RGPD3: variants seen among roughly 807,000 people sequenced by gnomAD.
RGPD3 encodes the protein RANBP2 like and GRIP domain containing 3.
Under a neutral mutation model 154.5 loss-of-function variants are expected in RGPD3, and 62 were observed. The ratio of observed to expected loss-of-function variants is 0.40; its 90% confidence interval spans 0.33 to 0.50. The LOEUF is 0.50. Ranked by LOEUF, RGPD3 falls within the 20% of genes least tolerant of loss-of-function variation. The pLI is 0.59. For missense variants in RGPD3, 919 were observed against 1,716.8 expected (o/e 0.54, Z 8.21); for synonymous variants, 308 against 607.0 (o/e 0.51, Z 7.24).
chr2:106,406,917 C>T (rs1461702707), intron 22 of RGPD3, among the ~76,000 whole-genome samples: 1 of 152,114 alleles, frequency 6.6e-6, no homozygotes, highest in Admixed American at 6.6e-5. Context: ...TCTGTTCTGT[C>T]TGGTTTTATC....
chr2:106,466,968 C>T (rs1421099232), intron 1 of RGPD3, among the ~76,000 whole-genome samples: 1 of 118,686 alleles, frequency 8.4e-6, no homozygotes, highest in Non-Finnish European at 1.8e-5. Flanking sequence ...CCATCGAGGC[C>T]GCCGCAGGGC....
At chr2:106,415,769 T>C in intron 21 of RGPD3, 81 bp downstream of exon 21, 2 of 1,603,942 alleles carry the variant, frequency 1.2e-6, no homozygotes, top group Non-Finnish European at 1.7e-6. Flanking sequence ...AATGTGAATT[T>C]TTAAACTTGG....
At chr2:106,410,797 T>A (rs1483103364) in intron 22 of RGPD3, among the ~76,000 whole-genome samples, 4 of 152,026 alleles carry the variant, frequency 2.6e-5, no homozygotes, top group Admixed American at 6.6e-5. Context: ...AGACAGTGAA[T>A]TTGTAATCTG....
chr2:106,450,955 G>T (rs1678101070), intron 6 of RGPD3, among the ~76,000 whole-genome samples: 1 of 147,932 alleles, frequency 6.8e-6, no homozygotes, highest in African/African-American at 2.5e-5. Context: ...TGGGCGTAGT[G>T]GTGTGCGCCT....
chr2:106,438,097 T>G (rs549046676), intron 9 of RGPD3, among the ~76,000 whole-genome samples: 33 of 151,850 alleles, frequency 2.2e-4, no homozygotes, highest in South Asian at 6.2e-4. Context: ...CCGGATAATT[T>G]TTGTATTTTT....
intron 9 of RGPD3, among the ~76,000 whole-genome samples, chr2:106,438,449 C>G (rs1677643042): frequency 6.7e-6 from 1 of 149,926 alleles, no homozygotes. Flanking sequence ...GATCACGCCA[C>G]TACACTCCAG....
chr2:106,441,109 AT>A (rs748880151), intron 8 of RGPD3, among the ~76,000 whole-genome samples, 183 bp downstream of exon 8: 11,886 of 148,112 alleles, frequency 0.08, 576 homozygotes, highest in South Asian at 0.12. Context: ...TCAAATATTC[AT>A]TTTTTTTAAA....
chr2:106,451,459 C>A (rs1246928343), intron 6 of RGPD3, among the ~76,000 whole-genome samples: 2 of 146,768 alleles, frequency 1.4e-5, no homozygotes, highest in African/African-American at 5.1e-5. Context: ...GAGAAGATTA[C>A]TAATCTGGCT....
At position 106,445,746 on chromosome 2, in the gene RGPD3, C is replaced by CA. The variant is rs1399996645; in HGVS notation, c.978+1671dup. ...GCAGTGAGCTGAGATTGCGCCACTGCACTCCAGCCTGGTGACAGAGCGAGA... is the reference window on the plus strand; with the variant it reads ...GCAGTGAGCTGAGATTGCGCCACTGCAACTCCAGCCTGGTGACAGAGCGAGA... On this transcript the variant is annotated intron_variant, in intron 7 of 22. Transcript: ENST00000409886. 2.2e-5 allele frequency among the ~76,000 whole-genome samples: 3 copies of CA among 139,162 alleles called. No homozygotes were observed. The East Asian group carries it at 6.9e-4, about 32-fold the overall frequency. The allele number at this position is 139,162 out of a possible 152,430, so 91.3% of individuals were successfully genotyped here. A position where few individuals can be genotyped will look rare whatever the true frequency, so the allele number is the denominator to read the frequency against.
In RGPD3 at chr2:106,403,910, A is replaced by G. The variant is rs1410206273; in HGVS notation, c.*1309T>C. Among the ~76,000 whole-genome samples, 1 of 152,238 alleles carries G rather than the reference A, an allele frequency of 6.6e-6. No homozygotes were observed. The highest frequency in any genetic ancestry group is 1.5e-5 in the Non-Finnish European group (1 of 68,042). On this transcript the variant is annotated 3_prime_UTR_variant, in exon 23 of 23. Coordinates refer to ENST00000409886, the MANE Select transcript of RGPD3 (RefSeq NM_001144013.2). ...AAAGAAAATTAAGAGTATAAACTGA[A>G]GGCTTAAGAGAACTTCAGAGAGCAT...
intron 21 of RGPD3, among the ~76,000 whole-genome samples, chr2:106,413,819 G>A (rs1676742724): frequency 6.6e-6 from 1 of 152,172 alleles, no homozygotes; most frequent in Non-Finnish European, 1.5e-5. Context: ...AGGGTATCAT[G>A]GAAATGGAGT....
rs1347596336 is a variant in RGPD3 at position 106,403,497 on chromosome 2, AT to A, written c.*1721del. Among the ~76,000 whole-genome samples, 1 of 151,942 alleles carries A rather than the reference AT, an allele frequency of 6.6e-6. No individual in the cohort carries two copies. Among genetic ancestry groups the A allele is most frequent in the African/African-American group, 2.4e-5 (1 of 41,278 alleles). ...TGAAAGAATATGCCTTTTGTAATCA[AT>A]TTTTTATCATGCAAAAAAGTATTTT... is the stretch of plus-strand genomic sequence containing the variant. On this transcript the variant is annotated 3_prime_UTR_variant, in exon 23 of 23. Transcript: ENST00000409886.
chr2:106,464,508 A>C (rs905029955), intron 1 of RGPD3, among the ~76,000 whole-genome samples: 82 of 151,614 alleles, frequency 5.4e-4, no homozygotes, highest in African/African-American at 1.9e-3. Context: ...AGTACTCAGG[A>C]AACAGAGGTA....
chr2:106,421,306 G>A (rs922558599), intron 20 of RGPD3, among the ~76,000 whole-genome samples: 1 of 151,838 alleles, frequency 6.6e-6, no homozygotes, highest in Admixed American at 6.6e-5. Context: ...CTTAGGTCAG[G>A]GATTCCTAAC....
chr2:106,405,339 C>G, intron 22 of RGPD3, 110 bp from the exon 23 acceptor site: 1 of 1,051,066 alleles, frequency 9.5e-7, no homozygotes, highest in Non-Finnish European at 1.4e-6. Context: ...GTCTTTTTTA[C>G]TGATCACATG....
chr2:106,451,248 T>C (rs953445200), intron 6 of RGPD3, among the ~76,000 whole-genome samples: 12 of 151,740 alleles, frequency 7.9e-5, no homozygotes, highest in Admixed American at 6.6e-5. Flanking sequence ...TTTTCTAAAA[T>C]AATCTTAAAG....
chr2:106,415,095 C>T (rs1362513036), intron 21 of RGPD3, among the ~76,000 whole-genome samples: 1 of 151,408 alleles, frequency 6.6e-6, no homozygotes, highest in African/African-American at 2.4e-5. Context: ...GAGTAATCCT[C>T]AACTGTTCTG....
chr2:106,450,338 T>C (rs1350510132), intron 6 of RGPD3, among the ~76,000 whole-genome samples: 1 of 102,402 alleles, frequency 9.8e-6, no homozygotes, highest in Admixed American at 1.1e-4. Flanking sequence ...AAAGGGCCCA[T>C]GAGTCCTGAT....
rs542988720 is a variant in RGPD3 at position 106,436,305 on chromosome 2, T to C, written c.1635-59A>G. On this transcript the variant is annotated intron_variant, in intron 11 of 22. Coordinates refer to ENST00000409886, the MANE Select transcript of RGPD3 (RefSeq NM_001144013.2). ...CTAAATACACAGTTCAGCGCTTACA[T>C]ACATATATGTTAATGGGTCACATGA... 6.1e-5 allele frequency: 99 copies of C among 1,610,936 alleles called. 2 individuals carry two copies. In the South Asian group the frequency reaches 9.5e-4, roughly 15 times the overall value.
Sources: allele counts gnomAD v4.1 joint callset (sites outside exome capture counted in the v4.1 genomes callset), GRCh38; gene constraint gnomAD v4.1.1; transcripts MANE v1.5; gene names NCBI Gene and HGNC (gene_info 2026-07-23, HGNC 2026-07-21).